Variants in PDZD2 observed in about 807,000 individuals in gnomAD.
PDZD2 encodes the protein PDZ domain containing 2.
In PDZD2, 90 loss-of-function variants were observed where a neutral mutation model predicts 220.7. That is an observed-to-expected ratio of 0.41 (90% CI 0.34 to 0.49). PDZD2 has a LOEUF of 0.49. Ranked by LOEUF, PDZD2 falls within the 20% of genes least tolerant of loss-of-function variation. The pLI is 0.28. For missense variants in PDZD2, 3,174 were observed against 3,608.5 expected (o/e 0.88, Z 3.08); for synonymous variants, 1,375 against 1,450.5 (o/e 0.95, Z 1.18).
chr5:31,855,597 T>A (rs1758380812), intron 2 of PDZD2, among the ~76,000 whole-genome samples: 1 of 152,106 alleles, frequency 6.6e-6, no homozygotes. Flanking sequence ...TGTCATACTG[T>A]CCCCCATCCC....
chr5:31,940,001 A>T (rs756754445), intron 2 of PDZD2, among the ~76,000 whole-genome samples: 7 of 152,238 alleles, frequency 4.6e-5, no homozygotes, highest in Non-Finnish European at 8.8e-5. Context: ...CTCAGTGGCC[A>T]GCAGAGGATT....
chr5:32,010,036 G>A (rs545405218), intron 5 of PDZD2, among the ~76,000 whole-genome samples: 6 of 140,736 alleles, frequency 4.3e-5, no homozygotes, highest in Non-Finnish European at 7.4e-5. Flanking sequence ...GCAATGAGCC[G>A]AGATCACGCC....
At chr5:31,744,790 G>C (rs1281397216) in intron 1 of PDZD2, among the ~76,000 whole-genome samples, 2 of 152,184 alleles carry the variant, frequency 1.3e-5, no homozygotes, top group Non-Finnish European at 2.9e-5. Context: ...GCTCTGTGTG[G>C]CCAGGTGCAG....
intron 2 of PDZD2, among the ~76,000 whole-genome samples, chr5:31,949,644 G>GT (rs1409127439): frequency 6.7e-6 from 1 of 148,954 alleles, no homozygotes; most frequent in Admixed American, 6.7e-5. Context: ...GCTGCTCATC[G>GT]TAAGATAGCA....
At chr5:32,012,216 C>T (rs75502923) in intron 6 of PDZD2, among the ~76,000 whole-genome samples, 2,561 of 152,094 alleles carry the variant, frequency 0.017, 61 homozygotes, top group Admixed American at 0.058. Flanking sequence ...CAGTTGTGCC[C>T]GGAGACATCT....
intron 2 of PDZD2, among the ~76,000 whole-genome samples, chr5:31,942,767 C>T (rs532688015): frequency 6.6e-6 from 1 of 152,198 alleles, no homozygotes; most frequent in Non-Finnish European, 1.5e-5. Context: ...GACTACTTTT[C>T]GGTGAGAGTT....
intron 2 of PDZD2, among the ~76,000 whole-genome samples, chr5:31,958,295 C>G (rs10062480): frequency 0.29 from 43,290 of 151,746 alleles, 6,407 homozygotes; most frequent in Middle Eastern, 0.41. Flanking sequence ...ACTCTTTTGC[C>G]CAGGCTGGAG....
At chr5:31,990,424 C>T (rs1007068913) in intron 3 of PDZD2, among the ~76,000 whole-genome samples, 1 of 152,172 alleles carries the variant, frequency 6.6e-6, no homozygotes, top group South Asian at 2.1e-4. Context: ...GGCTTTTTCT[C>T]AATAGGCTGA....
At chr5:31,985,315 C>T (rs910335190) in intron 3 of PDZD2, among the ~76,000 whole-genome samples, 6 of 152,106 alleles carry the variant, frequency 3.9e-5, no homozygotes, top group Non-Finnish European at 8.8e-5. Context: ...AGGTTTAAGG[C>T]ACCAGGAGAA....
At chr5:31,768,900 T>C (rs1239956135) in intron 1 of PDZD2, among the ~76,000 whole-genome samples, 1 of 152,194 alleles carries the variant, frequency 6.6e-6, no homozygotes. Context: ...TGGGAATCCT[T>C]GTCTTTCTCA....
At chr5:31,768,737 T>C (rs1752173559) in intron 1 of PDZD2, among the ~76,000 whole-genome samples, 1 of 152,052 alleles carries the variant, frequency 6.6e-6, no homozygotes, top group Non-Finnish European at 1.5e-5. Context: ...TGAGCAGCTC[T>C]TCAGTGATCC....
At chr5:31,917,553 C>T (rs534421256) in intron 2 of PDZD2, among the ~76,000 whole-genome samples, 173 of 152,148 alleles carry the variant, frequency 1.1e-3, no homozygotes, top group Middle Eastern at 3.4e-3. Context: ...ATATCCCTTT[C>T]CATTGAAGGA....
At chr5:31,870,326 AT>A (rs1457885540) in intron 2 of PDZD2, among the ~76,000 whole-genome samples, 1 of 152,222 alleles carries the variant, frequency 6.6e-6, no homozygotes, top group Non-Finnish European at 1.5e-5. Context: ...GTTGCCTTAT[AT>A]TTAAGTCTCT....
At position 32,090,218 on chromosome 5, in the gene PDZD2, T is replaced by C. The variant is rs1370513046; in HGVS notation, c.6770T>C (p.Val2257Ala). ...RDSQVPVTSS[V>A]VPEAKASRGG... ...AGCCAGGTCCCTGTGACAAGCAGTG[T>C]TGTCCCCGAGGCAAAGGCATCCAGA... The change falls in exon 20 of 25, where the codon GTT becomes GCT. Residue 2257 changes from valine to alanine, a missense_variant. Coordinates refer to ENST00000438447, the MANE Select transcript of PDZD2 (RefSeq NM_178140.4). This position sits in a 1 kb window ranked among gnomAD's most constrained non-coding sequence, Gnocchi z 4.3. The C allele has an allele frequency of 1.2e-6, 2 of 1,613,996 alleles. No individual in the cohort carries two copies. Among genetic ancestry groups the C allele is most frequent in the African/African-American group, 1.3e-5 (1 of 74,918 alleles).
chr5:31,899,432 T>C (rs559117066), intron 2 of PDZD2, among the ~76,000 whole-genome samples: 1 of 152,262 alleles, frequency 6.6e-6, no homozygotes, highest in South Asian at 2.1e-4. Flanking sequence ...TGCGCCGGGC[T>C]GGAGCCTCTC....
At chr5:31,905,032 G>T (rs1370327211) in intron 2 of PDZD2, among the ~76,000 whole-genome samples, 2 of 151,894 alleles carry the variant, frequency 1.3e-5, no homozygotes, top group African/African-American at 4.8e-5. Context: ...GCAGTGGCCC[G>T]ATCTTAGCCC....
At chr5:32,096,539 G>A (rs1328888440) in intron 21 of PDZD2, among the ~76,000 whole-genome samples, 4 of 152,028 alleles carry the variant, frequency 2.6e-5, no homozygotes, top group Non-Finnish European at 5.9e-5. Flanking sequence ...GGCTGGTCTC[G>A]AACTCCTGAC....
intron 2 of PDZD2, among the ~76,000 whole-genome samples, chr5:31,818,642 G>A (rs992537930): frequency 2.6e-5 from 4 of 152,148 alleles, no homozygotes; most frequent in Admixed American, 6.6e-5. Flanking sequence ...TCTGTGGCTC[G>A]TTCTTCTCCT....
intron 1 of PDZD2, among the ~76,000 whole-genome samples, chr5:31,715,847 T>G (rs1188904982): frequency 6.6e-6 from 1 of 152,256 alleles, no homozygotes; most frequent in Non-Finnish European, 1.5e-5. Flanking sequence ...ATAAAAGAGC[T>G]GATTCCTTCA....
Sources: gnomAD v4.1 joint callset for allele counts (sites outside exome capture counted in the v4.1 genomes callset) on GRCh38, gnomAD v4.1.1 for gene constraint, Gnocchi (gnomAD v3.1) non-coding constraint, MANE v1.5 for transcripts, NCBI Gene and HGNC (gene_info 2026-07-23, HGNC 2026-07-21) for gene names.